The following COL28A1 variants were observed in gnomAD, a reference collection of about 807,000 sequenced individuals.
COL28A1 encodes collagen type XXVIII alpha 1 chain.
In COL28A1, 161 loss-of-function variants were observed where a neutral mutation model predicts 150.2. The ratio of observed to expected loss-of-function variants is 1.07; its 90% CI spans 0.94 to 1.22. COL28A1 has a LOEUF of 1.22. Ranked by LOEUF, COL28A1 falls within the 50% of genes most tolerant of loss-of-function variation. COL28A1 has a pLI of 0.00. For synonymous variants in COL28A1, 552 were observed against 469.7 expected, an observed-to-expected ratio of 1.18 and a Z score of -2.26; for missense variants, 1,617 against 1,388.3, an observed-to-expected ratio of 1.16 and a Z score of -2.62.
chr7:7,368,512 T>A (rs1003029926), intron 33 of COL28A1, among the ~76,000 whole-genome samples: 6 of 152,144 alleles, frequency 3.9e-5, no homozygotes, highest in Admixed American at 3.9e-4. Context: ...GAACTAAATG[T>A]TTATGTCCCT....
At chr7:7,420,063 T>C (rs1034472297) in intron 25 of COL28A1, 110 bp from the exon 26 acceptor site, 9 of 555,740 alleles carry the variant, frequency 1.6e-5, no homozygotes, top group African/African-American at 5.8e-5. Flanking sequence ...AAGGTATTAA[T>C]TGAACCCTCT....
intron 25 of COL28A1, among the ~76,000 whole-genome samples, chr7:7,425,545 G>A (rs368403040): frequency 1.3e-5 from 2 of 152,098 alleles, no homozygotes; most frequent in Non-Finnish European, 2.9e-5. Context: ...TTGGTTTTGC[G>A]GTTTACTCCA....
intron 27 of COL28A1, among the ~76,000 whole-genome samples, chr7:7,407,505 G>A (rs372786389): frequency 5.9e-5 from 9 of 152,052 alleles, no homozygotes; most frequent in East Asian, 3.8e-4. Flanking sequence ...TCTCGAGAGC[G>A]ATAATGGAGA....
At chr7:7,432,565 G>A (rs567494262) in intron 24 of COL28A1, 24 bp from the exon 25 acceptor site, 6 of 1,612,788 alleles carry the variant, frequency 3.7e-6, no homozygotes, top group Non-Finnish European at 5.1e-6. Context: ...GTAAGGGAGG[G>A]AGTGAGCATC....
At chr7:7,541,741 C>T in the COL28A1 span, among the ~76,000 whole-genome samples, 3,548 of 152,120 alleles carry the variant, frequency 0.023, 150 homozygotes, top group African/African-American at 0.081. Flanking sequence ...AGGAGACGAA[C>T]GAAAGAGTGA....
At chr7:7,529,067 C>G (rs1422862782) in intron 3 of COL28A1, among the ~76,000 whole-genome samples, 1 of 151,820 alleles carries the variant, frequency 6.6e-6, no homozygotes, top group East Asian at 1.9e-4. Context: ...TTTGGGAGGC[C>G]GAGGCGGGCA....
Position 7,531,668 on chromosome 7 carries a change from C to T in COL28A1, c.361G>A (p.Val121Ile), listed in dbSNP as rs1782367593. Residue 121 changes from valine to isoleucine, a missense_variant, in exon 3 of 35, where the codon GTC becomes ATC. Physicochemically the swap from Val to Ile is conservative, Grantham distance 29. Transcript: ENST00000399429. ...TGCCCTATTAAATTCATAGACTTGA[C>T]CTTCTGCTTAAATGTCTGCAGGTCC... Reference protein sequence around the residue: ...WKDLQTFKQKVKSMNLIGQGT... With the variant: ...WKDLQTFKQKIKSMNLIGQGT... The T allele has an allele frequency of 6.3e-7, 1 of 1,596,706 alleles. No homozygotes were observed. The highest frequency in any genetic ancestry group is 8.6e-7 in the Non-Finnish European group (1 of 1,164,162).
intron 27 of COL28A1, among the ~76,000 whole-genome samples, chr7:7,392,735 CT>C (rs1339591138): frequency 1.3e-5 from 2 of 152,136 alleles, no homozygotes; most frequent in African/African-American, 4.8e-5. Flanking sequence ...GATCTTCAAT[CT>C]CTGATATCCT....
At chr7:7,487,963 A>G (rs1779718976) in intron 13 of COL28A1, among the ~76,000 whole-genome samples, 1 of 152,090 alleles carries the variant, frequency 6.6e-6, no homozygotes. Flanking sequence ...CTGGGCAACA[A>G]CCCTAGCTAA....
chr7:7,398,902 G>A (rs145687104), intron 27 of COL28A1, among the ~76,000 whole-genome samples: 7 of 152,260 alleles, frequency 4.6e-5, no homozygotes, highest in Non-Finnish European at 7.4e-5. Flanking sequence ...CTACTCCGAT[G>A]CCTCCGTTGG....
At chr7:7,362,460 CG>C in intron 33 of COL28A1, among the ~76,000 whole-genome samples, 1 of 152,204 alleles carries the variant, frequency 6.6e-6, no homozygotes, top group South Asian at 2.1e-4. Context: ...CATTAACTGC[CG>C]TCTGCCAGCT....
chr7:7,530,526 C>T (rs1782290242), intron 3 of COL28A1, among the ~76,000 whole-genome samples: 1 of 152,138 alleles, frequency 6.6e-6, no homozygotes, highest in African/African-American at 2.4e-5. Context: ...TCAAAGAAAT[C>T]CAAGTTTTTA....
intron 27 of COL28A1, among the ~76,000 whole-genome samples, chr7:7,413,297 C>A (rs1783888435): frequency 6.6e-6 from 1 of 152,134 alleles, no homozygotes; most frequent in South Asian, 2.1e-4. Flanking sequence ...CCATGTAGAC[C>A]ACCATACTTT....
chr7:7,517,489 T>C (rs1292757200), intron 7 of COL28A1, among the ~76,000 whole-genome samples: 1 of 152,190 alleles, frequency 6.6e-6, no homozygotes, highest in African/African-American at 2.4e-5. Context: ...ATTCTTTATC[T>C]TAAAAAACTT....
At chr7:7,392,836 T>C (rs1269972870) in intron 27 of COL28A1, among the ~76,000 whole-genome samples, 2 of 152,232 alleles carry the variant, frequency 1.3e-5, no homozygotes, top group Non-Finnish European at 2.9e-5. Flanking sequence ...AGGTCATTTA[T>C]GTTCTTCTCT....
intron 15 of COL28A1, among the ~76,000 whole-genome samples, chr7:7,461,596 G>C (rs1209348634): frequency 6.6e-6 from 1 of 152,124 alleles, no homozygotes; most frequent in African/African-American, 2.4e-5. Context: ...AGCTAGGTTA[G>C]GACTATGACT....
chr7:7,439,292 G>A (rs1367434411), intron 21 of COL28A1, among the ~76,000 whole-genome samples: 1 of 152,100 alleles, frequency 6.6e-6, no homozygotes, highest in African/African-American at 2.4e-5. Context: ...GCCAAGGCAT[G>A]TATGTGCCAG....
intron 27 of COL28A1, among the ~76,000 whole-genome samples, chr7:7,407,493 C>T (rs1783551963): frequency 6.6e-6 from 1 of 152,108 alleles, no homozygotes; most frequent in Non-Finnish European, 1.5e-5. Context: ...TGACAGATAA[C>T]TTCTCGAGAG....
chr7:7,420,245 A>T (rs1562597553), intron 25 of COL28A1: 3 of 208,096 alleles, frequency 1.4e-5, no homozygotes, highest in African/African-American at 2.3e-5. Flanking sequence ...AGGATGGAAG[A>T]AGAGACAAGA....
Sources: gnomAD v4.1 joint callset for allele counts (sites outside exome capture counted in the v4.1 genomes callset) on GRCh38, gnomAD v4.1.1 for gene constraint, MANE v1.5 for transcripts, NCBI Gene and HGNC (gene_info 2026-07-23, HGNC 2026-07-21) for gene names.